The following ADGRB3 variants were observed in gnomAD, a reference collection of about 807,000 sequenced individuals.
The protein encoded by ADGRB3 is brain-specific angiogenesis inhibitor 3.
A neutral mutation model predicts 193.4 loss-of-function variants in ADGRB3; 37 were observed. The observed-to-expected ratio is 0.19, with a 90% CI of 0.15 to 0.25. The LOEUF (loss-of-function observed/expected upper bound fraction) is 0.25, where lower values mean the gene tolerates loss of function less well. ADGRB3 is among the 10% of genes least tolerant of loss of function. The pLI, the probability that ADGRB3 is intolerant of heterozygous loss-of-function variation, is 1.00. For synonymous variants in ADGRB3, 690 were observed against 644.2 expected (o/e 1.07, Z -1.08); for missense variants, 1,637 against 1,852.9 (o/e 0.88, Z 2.14).
At chr6:68,939,109 C>T (rs1767566069) in intron 5 of ADGRB3, among the ~76,000 whole-genome samples, 1 of 152,182 alleles carries the variant, frequency 6.6e-6, no homozygotes, top group Admixed American at 6.5e-5. Flanking sequence ...CAGAGAACAT[C>T]TGTGGTGGGA....
chr6:68,984,708 A>T (rs147111516), intron 10 of ADGRB3, among the ~76,000 whole-genome samples: 1 of 152,190 alleles, frequency 6.6e-6, no homozygotes, highest in Non-Finnish European at 1.5e-5. Context: ...GAAGAGAAAC[A>T]TGAAAAATTA....
intron 3 of ADGRB3, among the ~76,000 whole-genome samples, chr6:68,800,929 C>T (rs1165281841): frequency 6.6e-6 from 1 of 152,098 alleles, no homozygotes; most frequent in African/African-American, 2.4e-5. Flanking sequence ...AACTTCAGAG[C>T]CAGGGTGCCC....
chr6:69,065,660 G>A (rs1771879089), intron 16 of ADGRB3, among the ~76,000 whole-genome samples: 2 of 151,524 alleles, frequency 1.3e-5, no homozygotes, highest in Admixed American at 6.6e-5. Context: ...AGACAAAAAA[G>A]ATCTATTTTG....
At chr6:69,129,240 T>C (rs1042144576) in intron 17 of ADGRB3, among the ~76,000 whole-genome samples, 8 of 152,142 alleles carry the variant, frequency 5.3e-5, no homozygotes, top group Admixed American at 3.3e-4. Context: ...AAACTTCAGC[T>C]ACTCACTAGT....
chr6:68,803,396 A>G (rs1384017284), intron 3 of ADGRB3, among the ~76,000 whole-genome samples: 1 of 152,118 alleles, frequency 6.6e-6, no homozygotes, highest in Admixed American at 6.6e-5. Flanking sequence ...ACTGTTACCT[A>G]TAATTCAACA....
At chr6:68,971,720 A>G (rs951909673) in intron 8 of ADGRB3, among the ~76,000 whole-genome samples, 1 of 152,264 alleles carries the variant, frequency 6.6e-6, no homozygotes, top group Admixed American at 6.5e-5. Flanking sequence ...CATGACTGCC[A>G]TATAACAAGC....
At chr6:69,353,463 A>G (rs971507348) in intron 26 of ADGRB3, among the ~76,000 whole-genome samples, 1 of 152,222 alleles carries the variant, frequency 6.6e-6, no homozygotes, top group Non-Finnish European at 1.5e-5. Context: ...GATTTCTTAC[A>G]TGAGACATAA....
intron 21 of ADGRB3, 57 bp from the exon 22 acceptor site, chr6:69,327,763 C>A: frequency 6.8e-7 from 1 of 1,471,082 alleles, no homozygotes. Flanking sequence ...TTTTCTTAGA[C>A]CAGTATGCAT....
chr6:68,892,599 A>G (rs1766108804), intron 3 of ADGRB3, among the ~76,000 whole-genome samples: 1 of 152,086 alleles, frequency 6.6e-6, no homozygotes. Flanking sequence ...ACTCCCTAAG[A>G]GCAGGGATCA....
intron 16 of ADGRB3, 34 bp downstream of exon 16, chr6:69,063,070 T>C (rs372706102): frequency 3.3e-5 from 48 of 1,466,468 alleles, no homozygotes; most frequent in Non-Finnish European, 4.3e-5. Context: ...GACTTGCTTA[T>C]GGAATTACCT....
At chr6:68,968,084 A>G (rs573981024) in intron 8 of ADGRB3, among the ~76,000 whole-genome samples, 2 of 151,738 alleles carry the variant, frequency 1.3e-5, no homozygotes, top group South Asian at 4.2e-4. Flanking sequence ...TTGTACTTGC[A>G]TGAAGAGAGG....
intron 3 of ADGRB3, among the ~76,000 whole-genome samples, chr6:68,912,231 T>C (rs1766733762): frequency 6.6e-6 from 1 of 152,074 alleles, no homozygotes; most frequent in Non-Finnish European, 1.5e-5. Context: ...ATTTGTGGAA[T>C]GAATATATAA....
chr6:69,205,940 C>A (rs2150359411), intron 17 of ADGRB3, among the ~76,000 whole-genome samples: 1 of 150,092 alleles, frequency 6.7e-6, no homozygotes, highest in East Asian at 2.0e-4. Flanking sequence ...CATGGATCAC[C>A]ACACCAAGCT....
intron 6 of ADGRB3, among the ~76,000 whole-genome samples, chr6:68,944,668 A>C (rs1184683441): frequency 6.6e-6 from 1 of 152,164 alleles, no homozygotes; most frequent in African/African-American, 2.4e-5. Context: ...GGAAGCCTTC[A>C]CAATGCTGTC....
At chr6:68,883,426 C>T (rs775900837) in intron 3 of ADGRB3, among the ~76,000 whole-genome samples, 4 of 152,200 alleles carry the variant, frequency 2.6e-5, no homozygotes, top group Non-Finnish European at 4.4e-5. Context: ...GTTGCGTCTC[C>T]TTCCACGTTG....
At chr6:68,999,324 G>T (rs139768529) in intron 11 of ADGRB3, among the ~76,000 whole-genome samples, 20 of 150,460 alleles carry the variant, frequency 1.3e-4, no homozygotes, top group South Asian at 2.1e-4. Flanking sequence ...GAGATCAGTG[G>T]CGAGATCTTC....
chr6:69,022,600 A>C (rs1455621443), intron 13 of ADGRB3, among the ~76,000 whole-genome samples: 5 of 151,840 alleles, frequency 3.3e-5, no homozygotes, highest in African/African-American at 4.8e-5. Flanking sequence ...TTCATCCTTC[A>C]CATCCTTTGT....
At chr6:69,026,021 G>T (rs1444438965) in intron 13 of ADGRB3, among the ~76,000 whole-genome samples, 1 of 152,194 alleles carries the variant, frequency 6.6e-6, no homozygotes, top group Non-Finnish European at 1.5e-5. Context: ...GATTGGTAAT[G>T]ATTCATGGAT....
chr6:68,827,134 C>A (rs181900203), intron 3 of ADGRB3, among the ~76,000 whole-genome samples: 1 of 151,888 alleles, frequency 6.6e-6, no homozygotes, highest in African/African-American at 2.4e-5. Context: ...CTCTATATTG[C>A]GAGATTTGGG....
Sources: allele counts gnomAD v4.1 joint callset (sites outside exome capture counted in the v4.1 genomes callset), GRCh38; gene constraint gnomAD v4.1.1; transcripts MANE v1.5; gene names NCBI Gene and HGNC (gene_info 2026-07-23, HGNC 2026-07-21).